The following MSN variants were observed in gnomAD, a reference collection of about 807,000 sequenced individuals.
The protein encoded by MSN is epididymis luminal protein 70.
A neutral mutation model predicts 48.0 loss-of-function variants in MSN; 2 were observed. That is an observed-to-expected ratio of 0.04 (90% CI 0.02 to 0.13). MSN has a LOEUF of 0.13. Ranked by LOEUF, MSN falls within the 10% of genes least tolerant of loss-of-function variation. The pLI is 1.00. For synonymous variants in MSN, 146 were observed against 166.9 expected (o/e 0.87, Z 0.97); for missense variants, 267 against 470.1 (o/e 0.57, Z 3.99).
At chrX:65,599,170 C>G (rs1437335893) in intron 1 of MSN, among the ~76,000 whole-genome samples, 1 of 110,310 alleles carries the variant, frequency 9.1e-6, no homozygotes, top group African/African-American at 3.3e-5. Flanking sequence ...TAACACGAGC[C>G]TGTAGTCCCA....
intron 1 of MSN, among the ~76,000 whole-genome samples, chrX:65,641,878 T>A (rs190630109): frequency 3.4e-3 from 373 of 109,077 alleles, no homozygotes; most frequent in African/African-American, 0.012. Context: ...CTCATGCCTG[T>A]AGTCCCAGCA....
intron 1 of MSN, among the ~76,000 whole-genome samples, chrX:65,621,082 A>ATTTTTTTTT (rs1409942075): frequency 1.0e-4 from 11 of 109,125 alleles, no homozygotes; most frequent in African/African-American, 3.7e-4. Flanking sequence ...CGCCTGGCTA[A>ATTTTTTTTT]TTTTTTGTAT....
chrX:65,721,101 C>T (rs923450510), intron 2 of MSN, among the ~76,000 whole-genome samples: 4 of 111,927 alleles, frequency 3.6e-5, no homozygotes, highest in Admixed American at 1.9e-4. Flanking sequence ...TCTACACTGT[C>T]GAACACCATC....
intron 1 of MSN, among the ~76,000 whole-genome samples, chrX:65,657,620 A>C (rs867984496): frequency 8.9e-6 from 1 of 112,031 alleles, no homozygotes; most frequent in Non-Finnish European, 1.9e-5. Context: ...TTGTCCTCTC[A>C]TGGTGGTCCA....
chrX:65,733,687 CTCTCTCTT>C (rs1025220172), intron 7 of MSN, among the ~76,000 whole-genome samples: 6 of 112,212 alleles, frequency 5.3e-5, no homozygotes, highest in African/African-American at 1.6e-4. Flanking sequence ...CTCTCTCTCT[CTCTCTCTT>C]TCTTTTTTTT....
chrX:65,620,141 G>C (rs1175158717), intron 1 of MSN, among the ~76,000 whole-genome samples: 1 of 112,671 alleles, frequency 8.9e-6, no homozygotes, highest in Non-Finnish European at 1.9e-5. Context: ...TAAGTCTGCA[G>C]AGGTTACTGC....
rs191989699 is a variant in MSN, at chrX:65,590,542, G to A, written c.-22+1930G>A. 1.3e-4 allele frequency among the ~76,000 whole-genome samples: 14 copies of A among 111,386 alleles called. No homozygotes were observed. In the East Asian group the frequency reaches 3.4e-3, roughly 27 times the overall value. ...AAATGCCACAATGGCTACACACTTG[G>A]CATGGTGCTTGGGACTCGAATCTAT... On this transcript the variant is annotated intron_variant, in intron 1 of 3. Coordinates refer to the MSN transcript ENST00000609672.
intron 1 of MSN, among the ~76,000 whole-genome samples, chrX:65,662,031 T>C (rs1030600609): frequency 3.6e-5 from 4 of 111,359 alleles, no homozygotes; most frequent in Admixed American, 1.9e-4. Context: ...AACCAAACAA[T>C]AGCCACAAAG....
chrX:65,726,568 C>T (rs2071569622), intron 2 of MSN, among the ~76,000 whole-genome samples: 1 of 110,673 alleles, frequency 9.0e-6, no homozygotes, highest in South Asian at 3.8e-4. Flanking sequence ...ATAATAGAAA[C>T]TTTGTGGATA....
chrX:65,698,728 G>T (rs2071271573), intron 1 of MSN, among the ~76,000 whole-genome samples: 1 of 112,275 alleles, frequency 8.9e-6, no homozygotes, highest in Non-Finnish European at 1.9e-5. Flanking sequence ...GAAGAGTTCA[G>T]TTCAGAGTCA....
intron 1 of MSN, among the ~76,000 whole-genome samples, chrX:65,596,165 C>T (rs1277151095): frequency 1.8e-5 from 2 of 110,808 alleles, no homozygotes; most frequent in Admixed American, 9.6e-5. Flanking sequence ...AAATCAGAAC[C>T]GGAGCCCAAG....
At chrX:65,649,333 G>A (rs778715575) in intron 1 of MSN, among the ~76,000 whole-genome samples, 1,281 of 101,492 alleles carry the variant, frequency 0.013, 7 homozygotes, top group Middle Eastern at 0.03. Flanking sequence ...TAGGAGGCAG[G>A]GGCAGGTGAA....
rs769404241 is a variant in MSN, at chrX:65,684,532, G to A, written c.12+16679G>A. ...CGGCTCACTGCAACCTCTGCCTCCC[G>A]GGTTCAAGCTATTCTCCTGCCTCGG... is the stretch of plus-strand genomic sequence containing the variant. On this transcript the variant is annotated intron_variant, in intron 1 of 12. Transcript: ENST00000360270. 2.3e-3 allele frequency among the ~76,000 whole-genome samples: 245 copies of A among 108,540 alleles called. 3 individuals carry two copies. The highest frequency in any genetic ancestry group is 8.1e-3 in the African/African-American group (242 of 29,719). 94.3% of individuals were successfully genotyped at this position (108,540 alleles called of 115,157 possible). A position where few individuals can be genotyped will look rare whatever the true frequency, so the allele number is the denominator to read the frequency against.
intron 1 of MSN, among the ~76,000 whole-genome samples, chrX:65,619,353 C>G (rs369425786): frequency 1.0e-5 from 1 of 97,717 alleles, no homozygotes; most frequent in Non-Finnish European, 1.9e-5. Flanking sequence ...ACCAATCAGA[C>G]GTAGATTTGG....
At chrX:65,646,046 GA>G (rs1005045893) in intron 1 of MSN, among the ~76,000 whole-genome samples, 2 of 111,733 alleles carry the variant, frequency 1.8e-5, no homozygotes, top group African/African-American at 6.5e-5. Flanking sequence ...CCAAAATTTG[GA>G]AAAATCATAA....
rs1441811895 is a variant in MSN at position 65,740,855 on chromosome X, G to A, written c.*962G>A. 1.2e-5 allele frequency: 2 copies of A among 170,471 alleles called. No individual in the cohort carries two copies. Among genetic ancestry groups the A allele is most frequent in the African/African-American group, 3.0e-5 (1 of 33,769 alleles). 14.0% of individuals were successfully genotyped at this position (170,471 alleles called of 1,213,427 possible). A position where few individuals can be genotyped will look rare whatever the true frequency, so the allele number is the denominator to read the frequency against. ...AAGAGAGGATATGTTCACACCTAGC[G>A]TCAGTATTTTCCCTGCTAGGGGTTT... is the stretch of plus-strand genomic sequence containing the variant. On this transcript the variant is annotated 3_prime_UTR_variant, in exon 13 of 13. Transcript: ENST00000360270.
intron 1 of MSN, among the ~76,000 whole-genome samples, chrX:65,693,450 G>C (rs2071195968): frequency 8.9e-6 from 1 of 111,850 alleles, no homozygotes; most frequent in Admixed American, 9.5e-5. Context: ...GGCATTTAGT[G>C]CTATAAATTT....
At position 65,731,892 on chromosome X, in the gene MSN, T is replaced by C. The variant is rs767448020; in HGVS notation, c.606T>C (p.Gly202=). 1 of 1,208,257 alleles carries C rather than the reference T, an allele frequency of 8.3e-7. No homozygotes were observed. The highest frequency in any genetic ancestry group is 1.8e-5 in the African/African-American group (1 of 56,775). ...LKIAQDLEMY[G]VNYFSIKNKK... is the part of the protein sequence containing the mutation. ...TTGCTCAAGATCTGGAGATGTATGG[T>C]GTGAACTACTTCAGCATCAAGAACA... is the stretch of plus-strand genomic sequence containing the variant. Residue 202 remains glycine (G), a synonymous_variant, in exon 6 of 13, where the codon GGT becomes GGC. Coordinates refer to ENST00000360270, the MANE Select transcript of MSN (RefSeq NM_002444.3).
intron 1 of MSN, among the ~76,000 whole-genome samples, chrX:65,621,085 T>G (rs1445370178): frequency 9.1e-6 from 1 of 109,836 alleles, no homozygotes; most frequent in Non-Finnish European, 1.9e-5. Context: ...CTGGCTAATT[T>G]TTTGTATTTT....
Sources: gnomAD v4.1 joint callset for allele counts (sites outside exome capture counted in the v4.1 genomes callset) on GRCh38, gnomAD v4.1.1 for gene constraint, MANE v1.5 for transcripts, NCBI Gene and HGNC (gene_info 2026-07-23, HGNC 2026-07-21) for gene names.